Variants in TBC1D4 observed in about 807,000 individuals in gnomAD.
TBC1D4 encodes TBC1 domain family member 4.
In TBC1D4, 121 loss-of-function variants were observed where a neutral mutation model predicts 142.5. The observed-to-expected ratio is 0.85, with a 90% confidence interval of 0.73 to 0.99. The LOEUF (loss-of-function observed/expected upper bound fraction) is 0.99. Among genes scored for constraint, TBC1D4 ranks in the 50% least tolerant of loss-of-function variants. The pLI is 0.00. For missense variants in TBC1D4, 1,475 were observed against 1,606.6 expected (o/e 0.92, Z 1.40); for synonymous variants, 630 against 628.2 (o/e 1.00, Z -0.04).
intron 1 of TBC1D4, among the ~76,000 whole-genome samples, chr13:75,458,733 T>G (rs1014989043): frequency 3.9e-5 from 6 of 152,220 alleles, no homozygotes; most frequent in Non-Finnish European, 8.8e-5. Context: ...TTAACAGTTT[T>G]TTTTAAATCT....
chr13:75,347,759 C>A (rs928768806), intron 5 of TBC1D4, among the ~76,000 whole-genome samples: 11 of 152,080 alleles, frequency 7.2e-5, no homozygotes, highest in South Asian at 2.1e-4. Flanking sequence ...TAAGAATGTT[C>A]CATTTTTTTA....
intron 1 of TBC1D4, among the ~76,000 whole-genome samples, chr13:75,430,936 A>G (rs1039139436): frequency 6.6e-6 from 1 of 152,106 alleles, no homozygotes; most frequent in African/African-American, 2.4e-5. Flanking sequence ...GCTGATAACC[A>G]TTCAGTGAAA....
In TBC1D4 at chr13:75,481,950, G is replaced by T. The variant is rs1888910452; in HGVS notation, c.-183C>A. The T allele has an allele frequency of 1.1e-6, 1 of 882,676 alleles. No individual in the cohort carries two copies. Among genetic ancestry groups the T allele is most frequent in the African/African-American group, 1.8e-5 (1 of 57,138 alleles). The allele number at this position is 882,676 out of a possible 1,614,324, so 54.7% of individuals were successfully genotyped here. On this transcript the variant is annotated 5_prime_UTR_variant, in exon 1 of 21. Coordinates refer to ENST00000377636, the MANE Select transcript of TBC1D4 (RefSeq NM_014832.5). ...TGCCCCATGCAGCACTTCCACGGGC[G>T]CGGCTCGGAGGCTCCGGCGGCGGGC...
At chr13:75,466,441 G>C (rs1384103957) in intron 1 of TBC1D4, among the ~76,000 whole-genome samples, 2 of 152,092 alleles carry the variant, frequency 1.3e-5, no homozygotes, top group East Asian at 3.8e-4. Context: ...CAGGTACTGA[G>C]GATATTTAAC....
At chr13:75,463,653 A>G (rs1310178727) in intron 1 of TBC1D4, among the ~76,000 whole-genome samples, 2 of 152,332 alleles carry the variant, frequency 1.3e-5, no homozygotes, top group African/African-American at 2.4e-5. Context: ...ATGATTGCCA[A>G]TTCTTTAGAA....
chr13:75,464,264 G>A (rs931159305), intron 1 of TBC1D4, among the ~76,000 whole-genome samples: 24 of 152,206 alleles, frequency 1.6e-4, no homozygotes, highest in Admixed American at 1.4e-3. Flanking sequence ...TGACATGTTC[G>A]TGATGGCCAT....
chr13:75,449,252 G>A (rs959061679), intron 1 of TBC1D4, among the ~76,000 whole-genome samples: 2 of 151,542 alleles, frequency 1.3e-5, no homozygotes, highest in Non-Finnish European at 1.5e-5. Context: ...ATATATGTGT[G>A]TATATATATG....
At chr13:75,420,733 T>G (rs1886128728) in intron 1 of TBC1D4, among the ~76,000 whole-genome samples, 1 of 152,172 alleles carries the variant, frequency 6.6e-6, no homozygotes, top group Non-Finnish European at 1.5e-5. Context: ...AACAATAATT[T>G]AATAAGTTAC....
At chr13:75,307,255 C>A (rs1566360696) in intron 14 of TBC1D4, among the ~76,000 whole-genome samples, 1 of 152,336 alleles carries the variant, frequency 6.6e-6, no homozygotes, top group South Asian at 2.1e-4. Context: ...AGCCACTGCA[C>A]CCAGCCCTCC....
chr13:75,451,872 T>C (rs1887547451), intron 1 of TBC1D4, among the ~76,000 whole-genome samples: 1 of 151,754 alleles, frequency 6.6e-6, no homozygotes, highest in Non-Finnish European at 1.5e-5. Flanking sequence ...AAAAAACTGA[T>C]AATTGTTTTG....
chr13:75,330,131 T>C (rs948269902), intron 8 of TBC1D4, among the ~76,000 whole-genome samples: 5 of 152,226 alleles, frequency 3.3e-5, no homozygotes, highest in African/African-American at 1.2e-4. Flanking sequence ...GACTAATCCT[T>C]TAACTTTTTA....
chr13:75,307,933 C>T (rs2137918558), intron 14 of TBC1D4, among the ~76,000 whole-genome samples: 1 of 152,258 alleles, frequency 6.6e-6, no homozygotes, highest in South Asian at 2.1e-4. Context: ...TATAACTTTA[C>T]TAATTATTTT....
At chr13:75,427,705 A>G (rs1176670704) in intron 1 of TBC1D4, among the ~76,000 whole-genome samples, 1 of 152,144 alleles carries the variant, frequency 6.6e-6, no homozygotes, top group Non-Finnish European at 1.5e-5. Context: ...GATCTCTTTC[A>G]CTAGACTTGC....
At chr13:75,457,718 T>TGG (rs1887796231) in intron 1 of TBC1D4, among the ~76,000 whole-genome samples, 1 of 152,190 alleles carries the variant, frequency 6.6e-6, no homozygotes, top group South Asian at 2.1e-4. Context: ...CTTATGAACA[T>TGG]GAATTCCTAG....
chr13:75,326,271 C>T lies in TBC1D4; in HGVS notation c.1959G>A (p.Lys653=). 1.9e-6 allele frequency: 3 copies of T among 1,614,148 alleles called. No individual in the cohort carries two copies. Among genetic ancestry groups the T allele is most frequent in the Non-Finnish European group, 2.5e-6 (3 of 1,180,024 alleles). The change falls in exon 10 of 21, where the codon AAG becomes AAA. Residue 653 remains lysine (K), a synonymous_variant. Coordinates refer to ENST00000377636, the MANE Select transcript of TBC1D4 (RefSeq NM_014832.5). ...FSHPPSSTKR[K]LNLQDGRAQG... ...GAGCCCTCCCATCCTGCAAATTCAG[C>T]TTTCTCTTTGTGCTTGAAGGTGGGT...
intron 1 of TBC1D4, 72 bp downstream of exon 1, chr13:75,481,198 C>CCCCCCCCCCCCCCCG: frequency 8.2e-7 from 1 of 1,214,460 alleles, no homozygotes; most frequent in Non-Finnish European, 1.1e-6. Context: ...AGTGGGGTCC[C>CCCCCCCCCCCCCCCG]CGCCCCTCCC....
intron 3 of TBC1D4, 103 bp from the exon 4 acceptor site, chr13:75,356,354 A>C: frequency 1.2e-6 from 1 of 834,234 alleles, no homozygotes; most frequent in Non-Finnish European, 2.0e-6. Context: ...CAGTTCTACG[A>C]ATTTCTCCTT....
In TBC1D4 at chr13:75,366,822, A is replaced by G; in HGVS notation, c.499-4215T>C. On this transcript the variant is annotated intron_variant, in intron 1 of 20. Transcript: ENST00000377636. Reference sequence around the variant, plus strand: ...ACATTTTACCTGATTTCAAAATAAAACAAATTCTACAACTACCAAACACTG... The same window carrying G: ...ACATTTTACCTGATTTCAAAATAAAGCAAATTCTACAACTACCAAACACTG... 6 of 529,126 alleles carry G rather than the reference A, an allele frequency of 1.1e-5. No homozygotes were observed. The South Asian group carries it at 4.9e-4, about 43-fold the overall frequency. 32.8% of individuals were successfully genotyped at this position (529,126 alleles called of 1,614,324 possible). A position where few individuals can be genotyped will look rare whatever the true frequency, so the allele number is the denominator to read the frequency against.
At chr13:75,327,915 G>A (rs1377281816) in intron 8 of TBC1D4, 89 bp from the exon 9 acceptor site, 24 of 1,322,590 alleles carry the variant, frequency 1.8e-5, no homozygotes, top group Non-Finnish European at 2.4e-5. Context: ...GTCTCTTAAT[G>A]TTAGCATTAA....
Sources: gnomAD v4.1 joint callset for allele counts (sites outside exome capture counted in the v4.1 genomes callset) on GRCh38, gnomAD v4.1.1 for gene constraint, MANE v1.5 for transcripts, NCBI Gene and HGNC (gene_info 2026-07-23, HGNC 2026-07-21) for gene names.